The following B4GALNT4 variants were observed in gnomAD, a reference collection of about 807,000 sequenced individuals.
The protein encoded by B4GALNT4 is beta-1,4-N-acetyl-galactosaminyltransferase 4, also known as N-acetyl-beta-glucosaminyl-glycoprotein 4-beta-N-acetylgalactosaminyltransferase 1.
Under a neutral mutation model 110.0 loss-of-function variants are expected in B4GALNT4, and 77 were observed. That is an observed-to-expected ratio of 0.70 (90% CI 0.58 to 0.85). B4GALNT4 has a LOEUF of 0.85. Among genes scored for constraint, B4GALNT4 ranks in the 40% least tolerant of loss-of-function variants. The pLI, the probability that B4GALNT4 is intolerant of heterozygous loss-of-function variation, is 0.00. For missense variants in B4GALNT4, 1,575 were observed against 1,506.0 expected (o/e 1.05, Z -0.76); for synonymous variants, 785 against 655.5 (o/e 1.20, Z -3.02).
At chr11:371,253 C>T (rs1184965041) in intron 1 of B4GALNT4, among the ~76,000 whole-genome samples, 9 of 152,150 alleles carry the variant, frequency 5.9e-5, no homozygotes, top group Admixed American at 2.0e-4. Context: ...AGGGAGAGGG[C>T]GAGTGAGCAG....
At chr11:371,573 G>A (rs765207292) in intron 1 of B4GALNT4, among the ~76,000 whole-genome samples, 11 of 152,264 alleles carry the variant, frequency 7.2e-5, no homozygotes, top group Non-Finnish European at 1.0e-4. Context: ...GGCCATGCCT[G>A]GGCGTCAGCA....
rs561011116 is a variant in B4GALNT4 at position 370,885 on chromosome 11, C to T, written c.151+931C>T. The stretch of plus-strand genomic sequence containing the variant: ...TGTGTTCTCTTCCTGTACCGGGACG[C>T]CTGGACCCACACAGGCCAAGGGTCT... On this transcript the variant is annotated intron_variant, in intron 1 of 19. Transcript: ENST00000329962. Among the ~76,000 whole-genome samples the T allele has an allele frequency of 3.2e-4, 48 of 152,218 alleles. 2 individuals are homozygous for T. The South Asian group carries it at 9.9e-3, about 32-fold the overall frequency.
rs1835967430 is a variant in B4GALNT4 at position 379,326 on chromosome 11, G to A, written c.2205-92G>A. 2.6e-5 allele frequency: 35 copies of A among 1,362,390 alleles called. No individual in the cohort carries two copies. In the South Asian group the frequency reaches 5.4e-4, roughly 21 times the overall value. The allele number at this position is 1,362,390 out of a possible 1,614,324, so 84.4% of individuals were successfully genotyped here. ...AGCCCGCAGCCTCCGCCAACTCCAA[G>A]TCGGCTGAGTTTCTGTGGCCAGGGC... On this transcript the variant is annotated intron_variant, in intron 14 of 19. Coordinates refer to ENST00000329962, the MANE Select transcript of B4GALNT4 (RefSeq NM_178537.5).
In B4GALNT4 at chr11:369,890, C is replaced by T; in HGVS notation, c.87C>T (p.Thr29=). 17 of 991,774 alleles carry T rather than the reference C, an allele frequency of 1.7e-5. No individual in the cohort carries two copies. Among genetic ancestry groups the T allele is most frequent in the Non-Finnish European group, 2.0e-5 (17 of 835,252 alleles). The allele number at this position is 991,774 out of a possible 1,614,324, so 61.4% of individuals were successfully genotyped here. A position where few individuals can be genotyped will look rare whatever the true frequency, so the allele number is the denominator to read the frequency against. The change falls in exon 1 of 20, where the codon ACC becomes ACT. Residue 29 remains threonine (T), a synonymous_variant. Coordinates refer to ENST00000329962, the MANE Select transcript of B4GALNT4 (RefSeq NM_178537.5). ...TGCTGAGCTGCGCCGCGTGGCTCAC[C>T]TACGTGCACCTGGGCCTGGTGCGCC... ...LLLLSCAAWL[T]YVHLGLVRQG...
At chr11:375,380 G>A (rs559829786) in intron 8 of B4GALNT4, 81 bp from the exon 9 acceptor site, 13 of 1,440,710 alleles carry the variant, frequency 9.0e-6, no homozygotes, top group East Asian at 2.3e-5. Flanking sequence ...TTAGTCCCCC[G>A]GCCCTGAGCC....
Position 376,791 on chromosome 11 carries a change from C to T in B4GALNT4, c.1668C>T (p.His556=), listed in dbSNP as rs1590340541. ...CGCCCTTCCCTGGCGTCTTCCTGCACCCCAGGCCTCTGCCCAGAGTGCAGC... is the reference window on the plus strand; with the variant it reads ...CGCCCTTCCCTGGCGTCTTCCTGCATCCCAGGCCTCTGCCCAGAGTGCAGC... ...PWPPFPGVFL[H]PRPLPRVQLR... The change falls in exon 14 of 20, where the codon CAC becomes CAT. Residue 556 remains histidine, a synonymous_variant. Coordinates refer to ENST00000329962, the MANE Select transcript of B4GALNT4 (RefSeq NM_178537.5). 5 of 1,390,144 alleles carry T rather than the reference C, an allele frequency of 3.6e-6. No individual in the cohort carries two copies. Among genetic ancestry groups the T allele is most frequent in the Non-Finnish European group, 4.7e-6 (5 of 1,073,732 alleles). The allele number at this position is 1,390,144 out of a possible 1,614,324, so 86.1% of individuals were successfully genotyped here. A position where few individuals can be genotyped will look rare whatever the true frequency, so the allele number is the denominator to read the frequency against.
chr11:379,953 T>A lies in B4GALNT4; in HGVS notation c.2576T>A (p.Val859Asp). ...ACCGGGGACTCGCGTTTCAGCGTCG[T>A]CCTGGTGGATTTCGAGAGCGAGGAT... ...ARTGDSRFSV[V>D]LVDFESEDMD... is the part of the protein sequence containing the mutation. Residue 859 changes from valine (V) to aspartate (D), a missense_variant, in exon 16 of 20, where the codon GTC (valine) becomes GAC (aspartate). Physicochemically the swap from Val to Asp is radical, Grantham distance 152 (BLOSUM62 -3). Transcript: ENST00000329962. 1.2e-6 allele frequency: 2 copies of A among 1,612,542 alleles called. No homozygotes were observed. The highest frequency in any genetic ancestry group is 1.7e-6 in the Non-Finnish European group (2 of 1,179,852).
Position 375,849 on chromosome 11 carries a change from C to G in B4GALNT4, c.988C>G (p.Pro330Ala). 1.2e-6 allele frequency: 2 copies of G among 1,609,322 alleles called. No homozygotes were observed. Among genetic ancestry groups the G allele is most frequent in the Non-Finnish European group, 1.7e-6 (2 of 1,178,964 alleles). ...PDPRDTFFLT[P>A]RMESSSLENV... ...CCCTGTGACCGCACCTCCTGCAGCT[C>G]CACGCATGGAATCTTCGAGCCTGGA... is the stretch of plus-strand genomic sequence containing the variant. Residue 330 changes from proline (P) to alanine (A), a missense_variant and splice_region_variant, in exon 11 of 20, where the codon CCA becomes GCA. By Grantham distance (27) the Pro-to-Ala change is conservative. Transcript: ENST00000329962.
At position 375,535 on chromosome 11, in the gene B4GALNT4, C is replaced by G. The variant is rs117222258; in HGVS notation, c.850+8C>G. The stretch of plus-strand genomic sequence containing the variant: ...ACATCTCCCTGTACACAGGTGCGAG[C>G]GGACGCCTCTGGGGATGTGGGGCTC... On this transcript the variant is annotated splice_region_variant and intron_variant, in intron 9 of 19. Transcript: ENST00000329962. The G allele has an allele frequency of 1.2e-6, 2 of 1,609,768 alleles. No individual in the cohort carries two copies. The highest frequency in any genetic ancestry group is 1.7e-6 in the Non-Finnish European group (2 of 1,179,744).
chr11:376,043 G>T lies in B4GALNT4; in HGVS notation c.1096-31G>T, dbSNP rs1404141140. On this transcript the variant is annotated intron_variant, in intron 11 of 19. Transcript: ENST00000329962. ...TGGGAGGCCGCCCCGGGAGGTCCGC[G>T]CCCTGAGCCCTGCGCCCCCCCACCC... The T allele has an allele frequency of 1.9e-6, 3 of 1,602,448 alleles. No homozygotes were observed. In the East Asian group the frequency reaches 6.7e-5, roughly 36 times the overall value.
intron 14 of B4GALNT4, among the ~76,000 whole-genome samples, chr11:379,074 G>A (rs1846817416): frequency 6.6e-6 from 1 of 152,218 alleles, no homozygotes; most frequent in African/African-American, 2.4e-5. Context: ...CTTGTCCTAT[G>A]GGCGGTGGCT....
chr11:379,841 G>GCCCC (rs144602584), intron 15 of B4GALNT4, 25 bp from the exon 16 acceptor site: 11 of 1,561,572 alleles, frequency 7.0e-6, no homozygotes, highest in Admixed American at 5.6e-5. Flanking sequence ...TCGGCTCAGC[G>GCCCC]CCCCCCCCGC....
Position 381,662 on chromosome 11 carries a change from G to C in B4GALNT4, c.2997-7G>C. On this transcript the variant is annotated splice_polypyrimidine_tract_variant and splice_region_variant and intron_variant, in intron 19 of 19. Transcript: ENST00000329962. ...GGTCCTGACCACCTCTCTGCCCCCGGCCCCAGGGTCCTGCAGGCAGGGCTG... is the reference window on the plus strand; with the variant it reads ...GGTCCTGACCACCTCTCTGCCCCCGCCCCCAGGGTCCTGCAGGCAGGGCTG... 1 of 1,580,634 alleles carries C rather than the reference G, an allele frequency of 6.3e-7. No homozygotes were observed. Among genetic ancestry groups the C allele is most frequent in the South Asian group, 1.1e-5 (1 of 88,364 alleles).
In B4GALNT4 at chr11:379,507, A is replaced by T; in HGVS notation, c.2294A>T (p.Glu765Val). 6.4e-7 allele frequency: 1 copy of T among 1,573,404 alleles called. No individual in the cohort carries two copies. Among genetic ancestry groups the T allele is most frequent in the Non-Finnish European group, 8.6e-7 (1 of 1,166,338 alleles). ...SRFLLELELQERGGGRLRLSE... is the reference protein window; with the variant it reads ...SRFLLELELQVRGGGRLRLSE... ...TTCCTGCTGGAGCTGGAGCTGCAGGAGCGCGGGGGCGGCCGCCTGCGACTG... is the reference window on the plus strand; with the variant it reads ...TTCCTGCTGGAGCTGGAGCTGCAGGTGCGCGGGGGCGGCCGCCTGCGACTG... The change falls in exon 15 of 20, where the codon GAG (glutamate) becomes GTG (valine). Residue 765 changes from glutamate to valine, a missense_variant. Glu to Val is a moderately radical substitution (Grantham distance 121, BLOSUM62 -2). Transcript: ENST00000329962.
At chr11:375,304 C>T (rs1846719594) in intron 8 of B4GALNT4, among the ~76,000 whole-genome samples, 157 bp from the exon 9 acceptor site, 1 of 151,940 alleles carries the variant, frequency 6.6e-6, no homozygotes, top group African/African-American at 2.4e-5. Flanking sequence ...CCCTGCTGCC[C>T]CTTCTTGGAA....
At chr11:373,890 C>A in intron 8 of B4GALNT4, 62 bp downstream of exon 8, 1 of 1,529,200 alleles carries the variant, frequency 6.5e-7, no homozygotes, top group Non-Finnish European at 9.0e-7. Context: ...CCCTGCAGGA[C>A]AACCGCAATG....
Position 375,771 on chromosome 11 carries a change from T to C in B4GALNT4, c.983T>C (p.Leu328Pro). Residue 328 changes from leucine to proline, a missense_variant and splice_region_variant, in exon 10 of 20, where the codon CTC becomes CCC. Coordinates refer to ENST00000329962, the MANE Select transcript of B4GALNT4 (RefSeq NM_178537.5). ...LRPDPRDTFF[L>P]TPRMESSSLE... The stretch of plus-strand genomic sequence containing the variant: ...CCAGATCCCAGGGATACCTTTTTCC[T>C]CAGTGAGAGGGGGCCCGCGCGGGGG... The C allele has an allele frequency of 1.9e-6, 3 of 1,598,894 alleles. No homozygotes were observed. The East Asian group carries it at 6.7e-5, about 36-fold the overall frequency.
At position 380,166 on chromosome 11, in the gene B4GALNT4, C is replaced by G. The variant is rs755295292; in HGVS notation, c.2679C>G (p.Arg893=). The G allele has an allele frequency of 6.2e-7, 1 of 1,603,874 alleles. No homozygotes were observed. Residue 893 remains arginine (R), a synonymous_variant, in exon 17 of 20, where the codon CGC becomes CGG. Transcript: ENST00000329962. ...TGAGACGAACCGGGAACTTCGAGCG[C>G]TCCGCCGGGCTGCAGGCGGGAGTGG... ...QYLRRTGNFE[R]SAGLQAGVDA...
In B4GALNT4 at chr11:376,183, G is replaced by A. The variant is rs1211113548; in HGVS notation, c.1196+9G>A. The A allele has an allele frequency of 2.5e-6, 4 of 1,607,740 alleles. No individual in the cohort carries two copies. The African/African-American group carries it at 4.0e-5, about 16-fold the overall frequency. ...CCGCTGTATCTGGAGAGGTGGGCGC[G>A]CGGCCGGGCTAATGCGGGGCGGGGT... is the stretch of plus-strand genomic sequence containing the variant. On this transcript the variant is annotated intron_variant, in intron 12 of 19. Coordinates refer to ENST00000329962, the MANE Select transcript of B4GALNT4 (RefSeq NM_178537.5).
Sources: gnomAD v4.1 joint callset for allele counts (sites outside exome capture counted in the v4.1 genomes callset) on GRCh38, gnomAD v4.1.1 for gene constraint, MANE v1.5 for transcripts, NCBI Gene and HGNC (gene_info 2026-07-23, HGNC 2026-07-21) for gene names.